The following GPAT3 variants were observed in gnomAD, a reference collection of about 807,000 sequenced individuals.
GPAT3 encodes glycerol-3-phosphate acyltransferase 3.
Under a neutral mutation model 58.8 loss-of-function variants are expected in GPAT3, and 53 were observed. The ratio of observed to expected loss-of-function variants is 0.90; its 90% CI spans 0.72 to 1.13. The LOEUF (loss-of-function observed/expected upper bound fraction) is 1.13. Ranked by LOEUF, GPAT3 falls within the 50% of genes most tolerant of loss-of-function variation. The pLI is 0.00. For synonymous variants in GPAT3, 197 were observed against 187.4 expected (o/e 1.05, Z -0.42); for missense variants, 511 against 527.6 (o/e 0.97, Z 0.31).
At chr4:83,575,478 T>C (rs1725776921) in intron 2 of GPAT3, among the ~76,000 whole-genome samples, 1 of 152,132 alleles carries the variant, frequency 6.6e-6, no homozygotes, top group African/African-American at 2.4e-5. Flanking sequence ...AGTGGTGCGA[T>C]CTTGGCTCAC....
chr4:83,570,531 G>A (rs1013579159), intron 2 of GPAT3, among the ~76,000 whole-genome samples: 11 of 149,064 alleles, frequency 7.4e-5, no homozygotes, highest in African/African-American at 2.3e-4. Flanking sequence ...GGAGTGCAGC[G>A]GCACGATCTC....
In GPAT3 at chr4:83,598,039, C is replaced by A. The variant is rs377488980; in HGVS notation, c.997-12C>A. On this transcript the variant is annotated splice_polypyrimidine_tract_variant and intron_variant, in intron 9 of 11. Transcript: ENST00000264409. ...TTATTTCATAACTGAGATGTATTTT[C>A]TTTTTTCTCAGTATAACCCTCAGTT... 25 of 1,612,260 alleles carry A rather than the reference C, an allele frequency of 1.6e-5. No individual in the cohort carries two copies. The African/African-American group carries it at 2.5e-4, about 16-fold the overall frequency.
Position 83,581,584 on chromosome 4 carries a change from ACC to A in GPAT3, c.233_234del (p.Pro78HisfsTer14). 6.2e-7 allele frequency: 1 copy of A among 1,613,988 alleles called. No homozygotes were observed. Among genetic ancestry groups the A allele is most frequent in the Non-Finnish European group, 8.5e-7 (1 of 1,179,972 alleles). On this transcript the variant is annotated frameshift_variant, in exon 3 of 12. Transcript: ENST00000264409. LOFTEE classifies it high-confidence loss of function. ...SVGIIQRDES[P>X]MEKGLSGLRG... is the part of the protein sequence containing the mutation. ...AAGGTATTATCCAAAGAGATGAGTCACCCATGGAAAAAGGGCTCTCTGGTCTA... is the reference window on the plus strand; with the variant it reads ...AAGGTATTATCCAAAGAGATGAGTCACATGGAAAAAGGGCTCTCTGGTCTA...
At chr4:83,575,016 A>G (rs911689338) in intron 2 of GPAT3, among the ~76,000 whole-genome samples, 1 of 151,496 alleles carries the variant, frequency 6.6e-6, no homozygotes, top group African/African-American at 2.4e-5. Flanking sequence ...AGCTGGGACT[A>G]CAGGCGCCCG....
chr4:83,552,145 C>T (rs1295353181), intron 2 of GPAT3, among the ~76,000 whole-genome samples: 2 of 152,100 alleles, frequency 1.3e-5, no homozygotes, highest in Non-Finnish European at 2.9e-5. Context: ...AAATACATTA[C>T]CTCTTAGAGC....
chr4:83,546,740 T>TG (rs1724531515), intron 2 of GPAT3, among the ~76,000 whole-genome samples: 1 of 152,168 alleles, frequency 6.6e-6, no homozygotes, highest in Non-Finnish European at 1.5e-5. Context: ...AGATAGGCAT[T>TG]GGACAGACCA....
intron 3 of GPAT3, among the ~76,000 whole-genome samples, chr4:83,584,971 A>C (rs1187915933): frequency 1.3e-5 from 2 of 152,218 alleles, no homozygotes; most frequent in Non-Finnish European, 2.9e-5. Flanking sequence ...CTAGCAAATA[A>C]AAAGTTTCAG....
intron 11 of GPAT3, among the ~76,000 whole-genome samples, chr4:83,603,131 C>A (rs1727121172): frequency 6.6e-6 from 1 of 152,186 alleles, no homozygotes; most frequent in African/African-American, 2.4e-5. Flanking sequence ...GCATGCTTAA[C>A]TGGGTTAAAA....
rs1726954440 is a variant in GPAT3, at chr4:83,598,872, C to G, written c.1205+149C>G. On this transcript the variant is annotated intron_variant, in intron 11 of 11. Transcript: ENST00000264409. ...TAGCCTGATCATAGTTCACTGTAGC[C>G]TTGACCGCCTGGGCTCAAGGGATCC... is the stretch of plus-strand genomic sequence containing the variant. 5.1e-6 allele frequency: 3 copies of G among 583,526 alleles called. 1 individual carries two copies. In the South Asian group the frequency reaches 7.9e-5, roughly 15 times the overall value. The allele number at this position is 583,526 out of a possible 1,614,324, so 36.1% of individuals were successfully genotyped here. A position where few individuals can be genotyped will look rare whatever the true frequency, so the allele number is the denominator to read the frequency against.
intron 2 of GPAT3, among the ~76,000 whole-genome samples, chr4:83,549,465 GTGTA>G (rs1180029313): frequency 5.0e-5 from 6 of 120,468 alleles, no homozygotes; most frequent in African/African-American, 1.8e-4. Flanking sequence ...GTGTGTGTGT[GTGTA>G]TGTATATATA....
intron 10 of GPAT3, 24 bp downstream of exon 10, chr4:83,598,203 C>G (rs1486232657): frequency 1.2e-6 from 2 of 1,607,556 alleles, no homozygotes; most frequent in Non-Finnish European, 1.7e-6. Context: ...AACACTTTAT[C>G]TAATCAGGTA....
chr4:83,562,191 A>ATATATAATATATATATATTATATAT (rs1725162828), intron 2 of GPAT3, among the ~76,000 whole-genome samples: 6 of 41,984 alleles, frequency 1.4e-4, no homozygotes, highest in African/African-American at 8.0e-4. Context: ...ATATATATAT[A>ATATATAATATATATATATTATATAT]TATATATAAT....
upstream of GPAT3, chr4:83,535,749 G>C: frequency 1.0e-6 from 1 of 985,428 alleles, no homozygotes; most frequent in Non-Finnish European, 1.2e-6. Flanking sequence ...GGAAGGAGGT[G>C]TGGAAGCCAG....
intron 2 of GPAT3, among the ~76,000 whole-genome samples, chr4:83,554,512 C>A (rs1724878403): frequency 6.6e-6 from 1 of 152,104 alleles, no homozygotes; most frequent in African/African-American, 2.4e-5. Context: ...TAATAATAAT[C>A]ATAATCACCA....
At chr4:83,583,061 G>A (rs1187929810) in intron 3 of GPAT3, among the ~76,000 whole-genome samples, 1 of 152,140 alleles carries the variant, frequency 6.6e-6, no homozygotes, top group Non-Finnish European at 1.5e-5. Context: ...ACTTTGGGAG[G>A]CCGAGGTGGG....
At chr4:83,576,836 A>C (rs1267349705) in intron 2 of GPAT3, among the ~76,000 whole-genome samples, 1 of 152,206 alleles carries the variant, frequency 6.6e-6, no homozygotes, top group Non-Finnish European at 1.5e-5. Flanking sequence ...GAAAATTTGA[A>C]TATACAAAGT....
At chr4:83,584,073 G>A (rs1331329228) in intron 3 of GPAT3, among the ~76,000 whole-genome samples, 1 of 152,100 alleles carries the variant, frequency 6.6e-6, no homozygotes, top group Non-Finnish European at 1.5e-5. Flanking sequence ...GAAGAATGAG[G>A]AATTCTACAG....
intron 2 of GPAT3, among the ~76,000 whole-genome samples, chr4:83,550,595 T>G (rs1320255253): frequency 6.6e-6 from 1 of 152,196 alleles, no homozygotes; most frequent in African/African-American, 2.4e-5. Context: ...TTTTAATGCA[T>G]AAAGGACTTT....
At chr4:83,590,719 T>C (rs1454092990) in intron 6 of GPAT3, among the ~76,000 whole-genome samples, 1 of 152,100 alleles carries the variant, frequency 6.6e-6, no homozygotes, top group Non-Finnish European at 1.5e-5. Flanking sequence ...TTAATGAGGA[T>C]CTAGCAAGAA....
Sources: gnomAD v4.1 joint callset for allele counts (sites outside exome capture counted in the v4.1 genomes callset) on GRCh38, gnomAD v4.1.1 for gene constraint, MANE v1.5 for transcripts, NCBI Gene and HGNC (gene_info 2026-07-23, HGNC 2026-07-21) for gene names.